CHTF18: variants seen among roughly 807,000 people sequenced by gnomAD.
CHTF18 encodes chromosome transmission fidelity factor 18.
A neutral mutation model predicts 113.4 loss-of-function variants in CHTF18; 151 were observed. That is an observed-to-expected ratio of 1.33 (90% CI 1.17 to 1.52). The LOEUF (loss-of-function observed/expected upper bound fraction) is 1.52, where lower values mean the gene tolerates loss of function less well. Ranked by LOEUF, CHTF18 falls within the 40% of genes most tolerant of loss-of-function variation. CHTF18 has a pLI of 0.00. For missense variants in CHTF18, 1,982 were observed against 1,381.6 expected, an observed-to-expected ratio of 1.43 and a Z score of -6.89; for synonymous variants, 916 against 598.8, an observed-to-expected ratio of 1.53 and a Z score of -7.74.
Position 791,946 on chromosome 16 carries a change from C to G in CHTF18, c.1200C>G (p.Ala400=), listed in dbSNP as rs1596755219. The part of the protein sequence containing the change: ...HAGYSVVEMN[A]SDDRSPEVFR... ...GGTACTCTGTGGTGGAGATGAACGC[C>G]AGGTGAGTGATGTGAGGTCCGTCTC... is the stretch of plus-strand genomic sequence containing the variant. Residue 400 remains alanine, a splice_region_variant and synonymous_variant, in exon 9 of 22, where the codon GCC becomes GCG. Transcript: ENST00000262315. 1 of 1,606,584 alleles carries G rather than the reference C, an allele frequency of 6.2e-7. No individual in the cohort carries two copies. Among genetic ancestry groups the G allele is most frequent in the Non-Finnish European group, 8.5e-7 (1 of 1,177,256 alleles).
chr16:789,679 G>C lies in CHTF18; in HGVS notation c.570G>C (p.Leu190=). 6.2e-7 allele frequency: 1 copy of C among 1,600,700 alleles called. No homozygotes were observed. The highest frequency in any genetic ancestry group is 8.5e-7 in the Non-Finnish European group (1 of 1,179,098). The change falls in exon 4 of 22, where the codon CTG becomes CTC. Residue 190 remains leucine, a synonymous_variant. Transcript: ENST00000262315. The part of the protein sequence containing the change: ...VTSTEGVRAY[L]VLRADPMAPG... ...CCACGGAGGGCGTCCGGGCTTATCT[G>C]GTGCTGCGTGCTGACCCCATGGCCC...
rs1050003738 is a variant in CHTF18 at position 796,766 on chromosome 16, C to T, written c.2506C>T (p.Leu836Phe). The T allele has an allele frequency of 3.7e-6, 6 of 1,608,818 alleles. No homozygotes were observed. The highest frequency in any genetic ancestry group is 5.1e-6 in the Non-Finnish European group (6 of 1,179,604). Residue 836 changes from leucine to phenylalanine, a missense_variant, in exon 19 of 22, where the codon CTC becomes TTC. Transcript: ENST00000262315. ...RFPELPARKP[L>F]TYQTKQLIAR... ...CCCTGAGCTGCCTGCCCGCAAGCCC[C>T]TCACCTACCAGACGAAGCAGCTCAT...
Position 797,840 on chromosome 16 carries a change from G to A in CHTF18, c.2793G>A (p.Gly931=). 6.2e-7 allele frequency: 1 copy of A among 1,602,462 alleles called. No individual in the cohort carries two copies. Among genetic ancestry groups the A allele is most frequent in the Non-Finnish European group, 8.5e-7 (1 of 1,175,210 alleles). The change falls in exon 22 of 22, where the codon GGG becomes GGA. Residue 931 remains glycine (G), a splice_region_variant and synonymous_variant. Coordinates refer to ENST00000262315, the MANE Select transcript of CHTF18 (RefSeq NM_022092.3). ...AGGAGCAACCCTGTGGCCCCGCAGG[G>A]GACACGGCCCCGGAGCAGGACTCAG... ...VVRSTAVPSA[G]DTAPEQDSVE... is the part of the protein sequence containing the mutation.
Position 797,946 on chromosome 16 carries a change from C to T in CHTF18, c.2899C>T (p.Arg967Cys), listed in dbSNP as rs372760513. The T allele has an allele frequency of 1.4e-4, 221 of 1,612,180 alleles. No homozygotes were observed. Among genetic ancestry groups the T allele is most frequent in the Admixed American group, 3.0e-4 (18 of 59,960 alleles). ...CGAGGGTGTCTCCAACGCCGTGCGGCGCAGCCTGTACATCAGGGACTTGCT... is the reference window on the plus strand; with the variant it reads ...CGAGGGTGTCTCCAACGCCGTGCGGTGCAGCCTGTACATCAGGGACTTGCT... ...FNEGVSNAVR[R>C]SLYIRDLL is the part of the protein sequence containing the mutation. Residue 967 changes from arginine to cysteine, a missense_variant, in exon 22 of 22, where the codon CGC becomes TGC. Physicochemically the swap from Arg to Cys is radical, Grantham distance 180. Transcript: ENST00000262315.
In CHTF18 at chr16:792,231, C is replaced by A; in HGVS notation, c.1210C>A (p.Arg404Ser). The change falls in exon 10 of 22, where the codon CGT (arginine) becomes AGT (serine). Residue 404 changes from arginine to serine, a missense_variant. Transcript: ENST00000262315. ...SVVEMNASDDRSPEVFRTRIE... is the reference protein window; with the variant it reads ...SVVEMNASDDSSPEVFRTRIE... ...CTGACCTCCCCATTGCAGTGACGACCGTAGCCCGGAGGTCTTCCGCACACG... is the reference window on the plus strand; with the variant it reads ...CTGACCTCCCCATTGCAGTGACGACAGTAGCCCGGAGGTCTTCCGCACACG... The A allele has an allele frequency of 1.3e-6, 2 of 1,570,558 alleles. No individual in the cohort carries two copies. Among genetic ancestry groups the A allele is most frequent in the Middle Eastern group, 3.3e-4 (2 of 6,012 alleles).
In CHTF18 at chr16:789,589, A is replaced by C. The variant is rs1596743686; in HGVS notation, c.480A>C (p.Ser160=). 1 of 1,607,296 alleles carries C rather than the reference A, an allele frequency of 6.2e-7. No homozygotes were observed. Among genetic ancestry groups the C allele is most frequent in the Non-Finnish European group, 8.5e-7 (1 of 1,178,628 alleles). The change falls in exon 4 of 22, where the codon TCA becomes TCC. Residue 160 remains serine (S), a synonymous_variant. Coordinates refer to ENST00000262315, the MANE Select transcript of CHTF18 (RefSeq NM_022092.3). The part of the protein sequence containing the change: ...AAADVGLTRA[S]PAARNPVLRR... ...CCGACGTGGGTCTCACACGGGCCTCACCAGCTGCCCGCAATCCCGTCCTGA... is the reference window on the plus strand; with the variant it reads ...CCGACGTGGGTCTCACACGGGCCTCCCCAGCTGCCCGCAATCCCGTCCTGA...
At chr16:790,775 A>C in intron 7 of CHTF18, 109 bp downstream of exon 7, 2 of 1,438,486 alleles carry the variant, frequency 1.4e-6, no homozygotes, top group Non-Finnish European at 1.8e-6. Context: ...TCGGAGACGG[A>C]GTGGGCTCTG....
In CHTF18 at chr16:797,989, G is replaced by A. The variant is rs780390072; in HGVS notation, c.*14G>A. 11 of 1,604,390 alleles carry A rather than the reference G, an allele frequency of 6.9e-6. No homozygotes were observed. Among genetic ancestry groups the A allele is most frequent in the East Asian group, 2.2e-5 (1 of 44,690 alleles). ...GACTTGCTCTAGTTCTCTGAGCCGC[G>A]GACATGCCCTCGCATTGCTTCCCGC... is the stretch of plus-strand genomic sequence containing the variant. On this transcript the variant is annotated 3_prime_UTR_variant, in exon 22 of 22. Transcript: ENST00000262315.
intron 7 of CHTF18, 133 bp from the exon 8 acceptor site, chr16:791,028 C>A: frequency 6.8e-7 from 1 of 1,477,722 alleles, no homozygotes; most frequent in Non-Finnish European, 9.0e-7. Context: ...CACTCGCTGG[C>A]AGGAAGACGG....
rs28497691 is a variant in CHTF18, at chr16:794,594, G to T, written c.1950+393G>T. 6.3e-3 allele frequency: 1,666 copies of T among 264,190 alleles called. 20 individuals are homozygous for T. Among genetic ancestry groups the T allele is most frequent in the African/African-American group, 0.034 (1,556 of 45,456 alleles). 16.4% of individuals were successfully genotyped at this position (264,190 alleles called of 1,614,324 possible). A position where few individuals can be genotyped will look rare whatever the true frequency, so the allele number is the denominator to read the frequency against. ...GTGAGGGCTTCCTGCCGCCCTGCCCGCGGGAGTCCCCGCCTAAGCTGTCTG... is the reference window on the plus strand; with the variant it reads ...GTGAGGGCTTCCTGCCGCCCTGCCCTCGGGAGTCCCCGCCTAAGCTGTCTG... On this transcript the variant is annotated intron_variant, in intron 15 of 21. Transcript: ENST00000262315.
At chr16:793,669 A>C in intron 14 of CHTF18, 2 of 541,890 alleles carry the variant, frequency 3.7e-6, no homozygotes, top group Non-Finnish European at 6.9e-6. Context: ...AGCAGCCAGC[A>C]TGTCTCTGTC....
intron 18 of CHTF18, among the ~76,000 whole-genome samples, chr16:796,318 G>A (rs2151650014): frequency 6.6e-6 from 1 of 152,374 alleles, no homozygotes; most frequent in East Asian, 1.9e-4. Context: ...CCCCCACATG[G>A]AACTGGAGCC....
In CHTF18 at chr16:792,518, C is replaced by G; in HGVS notation, c.1406C>G (p.Ser469Trp). The G allele has an allele frequency of 1.3e-6, 2 of 1,591,750 alleles. No homozygotes were observed. Among genetic ancestry groups the G allele is most frequent in the Non-Finnish European group, 1.7e-6 (2 of 1,172,798 alleles). The change falls in exon 11 of 22, where the codon TCG (serine) becomes TGG (tryptophan). Residue 469 changes from serine to tryptophan, a missense_variant. By Grantham distance (177) the Ser-to-Trp change is radical. Coordinates refer to ENST00000262315, the MANE Select transcript of CHTF18 (RefSeq NM_022092.3). The part of the protein sequence containing the change: ...EVGPQGPAVP[S>W]GGGRRRRAEG... ...GGGCCACAGGGCCCGGCTGTGCCTTCGGGAGGCGGCCGACGGCGCCGGGCA... is the reference window on the plus strand; with the variant it reads ...GGGCCACAGGGCCCGGCTGTGCCTTGGGGAGGCGGCCGACGGCGCCGGGCA...
chr16:791,088 T>G (rs981462716), intron 7 of CHTF18, 73 bp from the exon 8 acceptor site: 4 of 1,535,114 alleles, frequency 2.6e-6, no homozygotes, highest in Admixed American at 2.0e-5. Flanking sequence ...ATGGGGCTCA[T>G]GGTGGCAGGT....
intron 4 of CHTF18, 183 bp from the exon 5 acceptor site, chr16:789,994 T>A (rs2042137048): frequency 6.5e-7 from 1 of 1,535,172 alleles, no homozygotes; most frequent in African/African-American, 1.4e-5. Flanking sequence ...CTGCCCCCAA[T>A]TTCCCTTTGC....
chr16:796,283 T>G (rs1298976142), intron 18 of CHTF18, among the ~76,000 whole-genome samples: 1 of 152,212 alleles, frequency 6.6e-6, no homozygotes, highest in Admixed American at 6.5e-5. Flanking sequence ...TGAGTTTTGC[T>G]GCAGAGCTGC....
chr16:792,384 G>A (rs1402700769), intron 10 of CHTF18, 37 bp downstream of exon 10: 1 of 1,561,048 alleles, frequency 6.4e-7, no homozygotes, highest in Non-Finnish European at 8.7e-7. Flanking sequence ...GGGTGGGCGG[G>A]CAGGCAGGCG....
intron 7 of CHTF18, 104 bp downstream of exon 7, chr16:790,770 G>A: frequency 2.1e-6 from 3 of 1,439,482 alleles, no homozygotes; most frequent in East Asian, 2.5e-5. Flanking sequence ...GGGCCTCGGA[G>A]ACGGAGTGGG....
In CHTF18 at chr16:797,956, A is replaced by G. The variant is rs2042403293; in HGVS notation, c.2909A>G (p.Tyr970Cys). ...GVSNAVRRSL[Y>C]IRDLL ...TCCAACGCCGTGCGGCGCAGCCTGT[A>G]CATCAGGGACTTGCTCTAGTTCTCT... The change falls in exon 22 of 22, where the codon TAC becomes TGC. Residue 970 changes from tyrosine to cysteine, a missense_variant. Physicochemically the swap from Tyr to Cys is radical, Grantham distance 194 (BLOSUM62 -2). Transcript: ENST00000262315. 1 of 1,611,930 alleles carries G rather than the reference A, an allele frequency of 6.2e-7. No homozygotes were observed. Among genetic ancestry groups the G allele is most frequent in the East Asian group, 2.2e-5 (1 of 44,890 alleles).
Sources: gnomAD v4.1 joint callset for allele counts (sites outside exome capture counted in the v4.1 genomes callset) on GRCh38, gnomAD v4.1.1 for gene constraint, MANE v1.5 for transcripts, NCBI Gene and HGNC (gene_info 2026-07-23, HGNC 2026-07-21) for gene names.